The following TMEM150B variants were observed in gnomAD, a reference collection of about 807,000 sequenced individuals.
TMEM150B encodes the protein modulator of macroautophagy TMEM150B.
A neutral mutation model predicts 25.2 loss-of-function variants in TMEM150B; 33 were observed. The ratio of observed to expected loss-of-function variants is 1.31; its 90% CI spans 0.99 to 1.75. The LOEUF (loss-of-function observed/expected upper bound fraction) is 1.75. Ranked by LOEUF, TMEM150B falls within the 40% of genes most tolerant of loss-of-function variation. The pLI is 0.00. For missense variants in TMEM150B, 322 were observed against 306.1 expected, an observed-to-expected ratio of 1.05 and a Z score of -0.39; for synonymous variants, 133 against 134.8, an observed-to-expected ratio of 0.99 and a Z score of 0.09.
chr19:55,323,919 GCCTC>G (rs2089271002), intron 1 of TMEM150B, among the ~76,000 whole-genome samples: 2 of 145,868 alleles, frequency 1.4e-5, no homozygotes. Context: ...TGATTCTCAT[GCCTC>G]AGCCTCCCAA....
intron 2 of TMEM150B, among the ~76,000 whole-genome samples, chr19:55,322,434 T>C (rs2089231907): frequency 6.6e-6 from 1 of 152,136 alleles, no homozygotes; most frequent in African/African-American, 2.4e-5. Context: ...CATGAGATTG[T>C]GGCCACGGCC....
downstream of TMEM150B, among the ~76,000 whole-genome samples, chr19:55,310,079 G>A (rs550686722): frequency 1.3e-5 from 2 of 152,324 alleles, no homozygotes; most frequent in Admixed American, 6.5e-5. The surrounding 1 kb of genome is among the most constrained non-coding windows in gnomAD (Gnocchi z 5.0). Context: ...CTCTGGAGCC[G>A]TGGTTCTCAA....
downstream of TMEM150B, among the ~76,000 whole-genome samples, chr19:55,310,130 C>T (rs1299924974): frequency 2.0e-5 from 3 of 152,262 alleles, no homozygotes; most frequent in East Asian, 5.8e-4. This position sits in a 1 kb window ranked among gnomAD's most constrained non-coding sequence, Gnocchi z 5.0. Context: ...TTTCTATGGC[C>T]GCCGTCAACA....
intron 7 of TMEM150B, among the ~76,000 whole-genome samples, chr19:55,314,986 C>A (rs940206637): frequency 2.6e-5 from 4 of 152,122 alleles, no homozygotes; most frequent in Admixed American, 2.6e-4. Flanking sequence ...GTTTTCAGCC[C>A]CTCCTTTCTC....
At chr19:55,312,616 C>A (rs904365831), downstream of TMEM150B, 2 of 418,496 alleles carry the variant, frequency 4.8e-6, no homozygotes, top group African/African-American at 2.1e-5. Flanking sequence ...CTTGGCCTCT[C>A]GATTCCTGGG....
chr19:55,311,216 C>T (rs1455439835), downstream of TMEM150B, among the ~76,000 whole-genome samples: 1 of 152,184 alleles, frequency 6.6e-6, no homozygotes, highest in African/African-American at 2.4e-5. Flanking sequence ...CCTGCCTCAG[C>T]CTCCCAAAAT....
At chr19:55,323,666 C>A (rs2123146659) in intron 1 of TMEM150B, among the ~76,000 whole-genome samples, 1 of 151,516 alleles carries the variant, frequency 6.6e-6, no homozygotes, top group Admixed American at 6.6e-5. Context: ...CCATGCCTGG[C>A]TAATTTTTGT....
intron 7 of TMEM150B, among the ~76,000 whole-genome samples, chr19:55,314,889 G>A (rs1277907268): frequency 6.6e-6 from 1 of 152,150 alleles, no homozygotes; most frequent in East Asian, 1.9e-4. Flanking sequence ...AACCAACACA[G>A]GGCCTTAGCT....
At chr19:55,317,035 G>A in intron 6 of TMEM150B, 69 bp from the exon 7 acceptor site, 2 of 1,463,264 alleles carry the variant, frequency 1.4e-6, no homozygotes, top group Admixed American at 5.5e-5. Context: ...AGAGGGGCCA[G>A]GGCCCTTCAC....
intron 7 of TMEM150B, among the ~76,000 whole-genome samples, chr19:55,313,984 G>A (rs2088905196): frequency 6.6e-6 from 1 of 152,208 alleles, no homozygotes; most frequent in South Asian, 2.1e-4. Flanking sequence ...AGGATTGCCT[G>A]AGGCTAGGAG....
At chr19:55,311,887 GA>G, downstream of TMEM150B, 2 of 1,609,462 alleles carry the variant, frequency 1.2e-6, no homozygotes, top group Non-Finnish European at 8.5e-7. Context: ...CGGAACCCAC[GA>G]AAAACCTCTT....
intron 7 of TMEM150B, among the ~76,000 whole-genome samples, chr19:55,314,677 T>G (rs1208908388): frequency 7.7e-6 from 1 of 129,660 alleles, no homozygotes; most frequent in Non-Finnish European, 1.7e-5. Flanking sequence ...AGGGCTAGTT[T>G]AGAAGATCTG....
At chr19:55,320,356 G>T (rs1301999976) in intron 5 of TMEM150B, 35 bp downstream of exon 5, 6 of 1,514,462 alleles carry the variant, frequency 4.0e-6, no homozygotes, top group Non-Finnish European at 5.3e-6. Flanking sequence ...GGCTGGGCTT[G>T]GGAGCACTGA....
In TMEM150B at chr19:55,321,893, T is replaced by C. The variant is rs189484929; in HGVS notation, c.-58+755A>G. On this transcript the variant is annotated intron_variant, in intron 2 of 7. Coordinates refer to ENST00000326652, the MANE Select transcript of TMEM150B (RefSeq NM_001282011.2). ...GGGAGATATGGAGCACTGACAACCC[T>C]GCCTCCTCCCCTCCACTCTCCTTCC... is the stretch of plus-strand genomic sequence containing the variant. Among the ~76,000 whole-genome samples the C allele has an allele frequency of 2.6e-3, 397 of 152,246 alleles. 1 individual carries two copies. Among genetic ancestry groups the C allele is most frequent in the African/African-American group, 9.0e-3 (372 of 41,528 alleles).
chr19:55,318,023 G>T (rs2089063792), intron 6 of TMEM150B, among the ~76,000 whole-genome samples: 1 of 151,960 alleles, frequency 6.6e-6, no homozygotes, highest in South Asian at 2.1e-4. Context: ...GGGAGAACCA[G>T]GGGGAAATGT....
At chr19:55,310,926 C>T (rs1239241278), downstream of TMEM150B, among the ~76,000 whole-genome samples, 3 of 152,010 alleles carry the variant, frequency 2.0e-5, no homozygotes, top group South Asian at 4.2e-4. The surrounding 1 kb of genome is among the most constrained non-coding windows in gnomAD (Gnocchi z 5.0). Context: ...TGCAGGCCTC[C>T]GAGTCACCGT....
chr19:55,316,472 G>A (rs2089003258), intron 7 of TMEM150B, among the ~76,000 whole-genome samples: 1 of 151,986 alleles, frequency 6.6e-6, no homozygotes, highest in African/African-American at 2.4e-5. Context: ...AGCACCGTAT[G>A]CCTATTATCC....
At chr19:55,316,677 T>C (rs2089011269) in intron 7 of TMEM150B, 109 bp downstream of exon 7, 1 of 1,148,136 alleles carries the variant, frequency 8.7e-7, no homozygotes, top group Non-Finnish European at 1.2e-6. Flanking sequence ...GTGCAAAGAG[T>C]GAGGCCCAGA....
chr19:55,317,739 C>T (rs2089054656), intron 6 of TMEM150B, among the ~76,000 whole-genome samples: 1 of 151,882 alleles, frequency 6.6e-6, no homozygotes, highest in African/African-American at 2.4e-5. Context: ...CAAGATCGCA[C>T]CATTGCACTC....
Sources: gnomAD v4.1 joint callset for allele counts (sites outside exome capture counted in the v4.1 genomes callset) on GRCh38, gnomAD v4.1.1 for gene constraint, Gnocchi (gnomAD v3.1) non-coding constraint, MANE v1.5 for transcripts, NCBI Gene and HGNC (gene_info 2026-07-23, HGNC 2026-07-21) for gene names.